AARS2: variants seen among roughly 807,000 people sequenced by gnomAD.
AARS2 encodes the protein alanine--tRNA ligase, mitochondrial.
A neutral mutation model predicts 119.7 loss-of-function variants in AARS2; 78 were observed. The observed-to-expected ratio is 0.65, with a 90% CI of 0.54 to 0.79. The LOEUF is 0.79. AARS2 is among the 30% of genes least tolerant of loss of function. AARS2 has a pLI of 0.00. For synonymous variants in AARS2, 502 were observed against 526.3 expected (o/e 0.95, Z 0.63); for missense variants, 1,157 against 1,291.3 (o/e 0.90, Z 1.59).
chr6:44,299,955 T>A lies in AARS2; in HGVS notation c.*592A>T, dbSNP rs1447473087. ...CAAAACTACTCTTTTTTAAAGGTAATAGAACCTTCTGGAGCTTGCTATCCT... is the reference window on the plus strand; with the variant it reads ...CAAAACTACTCTTTTTTAAAGGTAAAAGAACCTTCTGGAGCTTGCTATCCT... On this transcript the variant is annotated 3_prime_UTR_variant, in exon 22 of 22. Transcript: ENST00000244571. 1.3e-5 allele frequency: 2 copies of A among 154,458 alleles called. No homozygotes were observed. The highest frequency in any genetic ancestry group is 4.9e-5 in the African/African-American group (2 of 40,786). 9.6% of individuals were successfully genotyped at this position (154,458 alleles called of 1,614,324 possible).
At position 44,304,174 on chromosome 6, in the gene AARS2, G is replaced by A; in HGVS notation, c.2007+7C>T. On this transcript the variant is annotated splice_region_variant and intron_variant, in intron 14 of 21. Transcript: ENST00000244571. ...ACATGAAGCCTGTCTTTCTATGCCG[G>A]GCTCACCTGGGTGGTCACATCCAAG... 1 of 1,613,042 alleles carries A rather than the reference G, an allele frequency of 6.2e-7. No individual in the cohort carries two copies. Among genetic ancestry groups the A allele is most frequent in the South Asian group, 1.1e-5 (1 of 91,028 alleles).
Position 44,305,689 on chromosome 6 carries a change from G to A in AARS2, c.1398C>T (p.Ser466=), listed in dbSNP as rs146711725. Residue 466 remains serine (S), a synonymous_variant, in exon 10 of 22, where the codon TCC becomes TCT. Transcript: ENST00000244571. This position sits in a 1 kb window ranked among gnomAD's most constrained non-coding sequence, Gnocchi z 4.6. ...MLEEKGVQLD[S]AGLERLAQEE... is the part of the protein sequence containing the mutation. ...CTTGGGCCAACCGCTCCAGTCCAGC[G>A]GAGTCTAGCTGGACCCCTTTCTCCT... The A allele has an allele frequency of 5.0e-4, 799 of 1,614,138 alleles. 2 individuals carry two copies. The African/African-American group carries it at 7.7e-3, about 15-fold the overall frequency.
In AARS2 at chr6:44,302,876, C is replaced by G; in HGVS notation, c.2290G>C (p.Val764Leu). ...LLRTGAVGDL[V>L]IIGDRQLSKG... ...GAAAGCTGGCGGTCCCCGATGATAACCAGGTCCCCTACAGCCCCAGTACGT... is the reference window on the plus strand; with the variant it reads ...GAAAGCTGGCGGTCCCCGATGATAAGCAGGTCCCCTACAGCCCCAGTACGT... The change falls in exon 17 of 22, where the codon GTT becomes CTT. Residue 764 changes from valine to leucine, a missense_variant. Val to Leu is a conservative substitution (Grantham distance 32). Transcript: ENST00000244571. 6.2e-7 allele frequency: 1 copy of G among 1,614,168 alleles called. No individual in the cohort carries two copies.
At chr6:44,300,738 G>A (rs545868940) in intron 21 of AARS2, 27 bp from the exon 22 acceptor site, 13 of 1,608,190 alleles carry the variant, frequency 8.1e-6, no homozygotes, top group African/African-American at 4.0e-5. Flanking sequence ...AAGAGGAAGC[G>A]ATGCAGAGTG....
chr6:44,303,689 T>C (rs1359954695), intron 14 of AARS2, among the ~76,000 whole-genome samples: 2 of 152,174 alleles, frequency 1.3e-5, no homozygotes, highest in Admixed American at 6.5e-5. Context: ...TGTATCCACA[T>C]GGAGCTTACA....
intron 7 of AARS2, 27 bp from the exon 8 acceptor site, chr6:44,306,559 G>A: frequency 6.2e-7 from 1 of 1,614,080 alleles, no homozygotes; most frequent in Non-Finnish European, 8.5e-7. Context: ...GGGCTGAGGA[G>A]GTGTGAAAGG....
chr6:44,303,551 T>A (rs532281533), intron 14 of AARS2, 128 bp from the exon 15 acceptor site: 1 of 1,405,778 alleles, frequency 7.1e-7, no homozygotes, highest in African/African-American at 1.4e-5. Context: ...TAGCACATAA[T>A]AGGTGCTCAA....
Position 44,311,129 on chromosome 6 carries a change from G to C in AARS2, c.614C>G (p.Pro205Arg), listed in dbSNP as rs201389962. The change falls in exon 4 of 22, where the codon CCA becomes CGA. Residue 205 changes from proline (P) to arginine (R), a missense_variant. By Grantham distance (103) the Pro-to-Arg change is moderately radical. Coordinates refer to ENST00000244571, the MANE Select transcript of AARS2 (RefSeq NM_020745.4). ...VPASRVLSFG[P>R]QENFWEMGDT... ...CCCCATCTCCCAGAAGTTCTCTTGT[G>C]GTCCAAAGGAAAGCACACGGCTAGC... 30 of 1,614,126 alleles carry C rather than the reference G, an allele frequency of 1.9e-5. No homozygotes were observed. In the East Asian group the frequency reaches 6.0e-4, roughly 32 times the overall value.
At position 44,303,149 on chromosome 6, in the gene AARS2, T is replaced by C; in HGVS notation, c.2172A>G (p.Val724=). 1.2e-6 allele frequency: 2 copies of C among 1,614,080 alleles called. No homozygotes were observed. The highest frequency in any genetic ancestry group is 1.3e-5 in the African/African-American group (1 of 75,018). Residue 724 remains valine, a synonymous_variant, in exon 16 of 22, where the codon GTA becomes GTG. Transcript: ENST00000244571. ...CATGGGCCACGGGCACCCCCACTGATACCACCCGCACAGGGTCTGGGTAAA... is the reference window on the plus strand; with the variant it reads ...CATGGGCCACGGGCACCCCCACTGACACCACCCGCACAGGGTCTGGGTAAA... ...DEVYPDPVRV[V]SVGVPVAHAL... is the part of the protein sequence containing the mutation.
Position 44,310,421 on chromosome 6 carries a change from G to T in AARS2, c.772C>A (p.Pro258Thr). 1 of 1,613,902 alleles carries T rather than the reference G, an allele frequency of 6.2e-7. No individual in the cohort carries two copies. Reference protein sequence around the residue: ...HNREADGSLQPLPQRHVDTGM... With the variant: ...HNREADGSLQTLPQRHVDTGM... The stretch of plus-strand genomic sequence containing the variant: ...GTGTCCACATGCCGCTGGGGCAGGG[G>T]CTGCAGGCTTCCATCTGCCTCTCTG... The change falls in exon 5 of 22, where the codon CCC (proline) becomes ACC (threonine). Residue 258 changes from proline to threonine, a missense_variant. Transcript: ENST00000244571.
rs772890585 is a variant in AARS2 at position 44,304,673 on chromosome 6, C to T, written c.1724G>A (p.Arg575His). 5 of 1,614,106 alleles carry T rather than the reference C, an allele frequency of 3.1e-6. No homozygotes were observed. The highest frequency in any genetic ancestry group is 1.7e-5 in the Admixed American group (1 of 60,008). Residue 575 changes from arginine to histidine, a missense_variant, in exon 12 of 22, where the codon CGT becomes CAT. Transcript: ENST00000244571. ...YAEQGGQASD[R>H]GYLVRAGQED... ...TTGCCCTGCCCGCACCAGGTAGCCA[C>T]GGTCTGAAGCCTGGCCCCCCTGTTC...
Position 44,305,322 on chromosome 6 carries a change from G to A in AARS2, c.1435-124C>T, listed in dbSNP as rs907911468. On this transcript the variant is annotated intron_variant, in intron 10 of 21. Transcript: ENST00000244571. This position sits in a 1 kb window ranked among gnomAD's most constrained non-coding sequence, Gnocchi z 4.6. ...GGACTCTGCAGCCCTTCTGGAATAA[G>A]AACTCAGGGCTTGGCTGGCTGCTAG... The A allele has an allele frequency of 1.4e-6, 2 of 1,462,248 alleles. No homozygotes were observed. Among genetic ancestry groups the A allele is most frequent in the African/African-American group, 2.8e-5 (2 of 71,862 alleles). 90.6% of individuals were successfully genotyped at this position (1,462,248 alleles called of 1,614,324 possible). A position where few individuals can be genotyped will look rare whatever the true frequency, so the allele number is the denominator to read the frequency against.
chr6:44,299,937 ACT>A lies in AARS2; in HGVS notation c.*608_*609del, dbSNP rs1785222312. 1.2e-5 allele frequency: 1 copy of A among 84,678 alleles called. No individual in the cohort carries two copies. The highest frequency in any genetic ancestry group is 2.6e-5 in the Non-Finnish European group (1 of 38,874). 5.2% of individuals were successfully genotyped at this position (84,678 alleles called of 1,614,324 possible). The stretch of plus-strand genomic sequence containing the variant: ...TTAGGTTGCTGGGAGGGGCAAAACT[ACT>A]CTTTTTTAAAGGTAATAGAACCTTC... On this transcript the variant is annotated 3_prime_UTR_variant, in exon 22 of 22. Coordinates refer to ENST00000244571, the MANE Select transcript of AARS2 (RefSeq NM_020745.4).
chr6:44,312,051 C>T (rs1786406247), intron 2 of AARS2, 21 bp downstream of exon 2: 1 of 1,612,536 alleles, frequency 6.2e-7, no homozygotes, highest in Non-Finnish European at 8.5e-7. Flanking sequence ...CTTGGCTGAT[C>T]ACTGATCCCC....
At chr6:44,303,817 G>A (rs566699899) in intron 14 of AARS2, among the ~76,000 whole-genome samples, 2 of 152,368 alleles carry the variant, frequency 1.3e-5, no homozygotes, top group Non-Finnish European at 1.5e-5. Flanking sequence ...TAAGCCAGAT[G>A]TGTAAGAAGC....
At position 44,298,981 on chromosome 6, in the gene AARS2, G is replaced by A. The variant is rs1785140049; in HGVS notation, c.*1566C>T. On this transcript the variant is annotated 3_prime_UTR_variant, in exon 22 of 22. Transcript: ENST00000244571. ...GCTTGAGGCAGGTGCTGTACAACTTGTTTTAATAAGCATATTGTTTGTCTG... is the reference window on the plus strand; with the variant it reads ...GCTTGAGGCAGGTGCTGTACAACTTATTTTAATAAGCATATTGTTTGTCTG... 1.3e-5 allele frequency among the ~76,000 whole-genome samples: 2 copies of A among 152,208 alleles called. No homozygotes were observed. Among genetic ancestry groups the A allele is most frequent in the African/African-American group, 2.4e-5 (1 of 41,454 alleles).
chr6:44,304,593 G>C lies in AARS2; in HGVS notation c.1752+52C>G, dbSNP rs1785669617. The stretch of plus-strand genomic sequence containing the variant: ...TTTCCCTCCCCTTGGCTCCCACTCA[G>C]GCTTGGGTCTGCCGCCCACAGAAAT... On this transcript the variant is annotated intron_variant, in intron 12 of 21. Coordinates refer to ENST00000244571, the MANE Select transcript of AARS2 (RefSeq NM_020745.4). 2.5e-6 allele frequency: 4 copies of C among 1,614,188 alleles called. No homozygotes were observed. The Admixed American group carries it at 6.7e-5, about 27-fold the overall frequency.
intron 1 of AARS2, 110 bp downstream of exon 1, chr6:44,312,971 C>T: frequency 6.6e-7 from 1 of 1,519,828 alleles, no homozygotes. Flanking sequence ...CGCCCTCTTT[C>T]CCCAAAAGCT....
At chr6:44,302,750 T>G in intron 17 of AARS2, 52 bp downstream of exon 17, 1 of 1,540,168 alleles carries the variant, frequency 6.5e-7, no homozygotes, top group Non-Finnish European at 8.9e-7. Flanking sequence ...CACCTGCGTG[T>G]GTCCCATGCA....
Sources: allele counts gnomAD v4.1 joint callset (sites outside exome capture counted in the v4.1 genomes callset), GRCh38; gene constraint gnomAD v4.1.1; non-coding constraint Gnocchi (gnomAD v3.1); transcripts MANE v1.5; gene names NCBI Gene and HGNC (gene_info 2026-07-23, HGNC 2026-07-21).